The following CAMTA1 variants were observed in gnomAD, a reference collection of about 807,000 sequenced individuals.
The protein encoded by CAMTA1 is calmodulin-binding transcription activator 1.
In CAMTA1, 27 loss-of-function variants were observed where a neutral mutation model predicts 170.9. The observed-to-expected ratio is 0.16, with a 90% CI of 0.12 to 0.22. The LOEUF is 0.22. Ranked by LOEUF, CAMTA1 falls within the 10% of genes least tolerant of loss-of-function variation. The pLI is 1.00. For missense variants in CAMTA1, 1,619 were observed against 2,217.2 expected, an observed-to-expected ratio of 0.73 and a Z score of 5.42; for synonymous variants, 833 against 891.5, an observed-to-expected ratio of 0.93 and a Z score of 1.17.
chr1:7,053,820 G>T (rs1276351781), intron 3 of CAMTA1, among the ~76,000 whole-genome samples: 1 of 152,250 alleles, frequency 6.6e-6, no homozygotes, highest in African/African-American at 2.4e-5. Context: ...CTGGTGGTTG[G>T]TTGCTCAGCA....
At chr1:7,684,669 G>A (rs1027263115) in intron 11 of CAMTA1, among the ~76,000 whole-genome samples, 4 of 152,170 alleles carry the variant, frequency 2.6e-5, no homozygotes, top group African/African-American at 9.7e-5. Flanking sequence ...AACCCCATCC[G>A]GTGTGAACCC....
chr1:7,467,402 G>A (rs1470486232), intron 5 of CAMTA1, among the ~76,000 whole-genome samples: 1 of 152,182 alleles, frequency 6.6e-6, no homozygotes, highest in African/African-American at 2.4e-5. Flanking sequence ...TCTGTAGCAT[G>A]TATGTTTCAT....
intron 5 of CAMTA1, among the ~76,000 whole-genome samples, chr1:7,330,334 T>G (rs1351269795): frequency 6.6e-6 from 1 of 152,160 alleles, no homozygotes. Flanking sequence ...CCCGCTCTTG[T>G]TTGGACCACG....
intron 6 of CAMTA1, among the ~76,000 whole-genome samples, chr1:7,560,050 C>T (rs2094935897): frequency 6.6e-6 from 1 of 152,176 alleles, no homozygotes; most frequent in African/African-American, 2.4e-5. Context: ...CTCTGGGACC[C>T]CAAGGCCCAG....
intron 4 of CAMTA1, among the ~76,000 whole-genome samples, chr1:7,247,128 C>CT (rs1307795118): frequency 6.6e-6 from 1 of 152,196 alleles, no homozygotes; most frequent in Non-Finnish European, 1.5e-5. Flanking sequence ...GGATTAAACA[C>CT]TATTAGGTTG....
Position 7,738,145 on chromosome 1 carries a change from C to T in CAMTA1, c.3845C>T (p.Ser1282Phe). 3.7e-6 allele frequency: 6 copies of T among 1,614,138 alleles called. No individual in the cohort carries two copies. The highest frequency in any genetic ancestry group is 5.1e-6 in the Non-Finnish European group (6 of 1,180,008). Residue 1282 changes from serine to phenylalanine, a missense_variant, in exon 16 of 23, where the codon TCT (serine) becomes TTT (phenylalanine). This residue lies in a region of CAMTA1 where 370 missense variants were observed against 429.4 expected (regional missense o/e 0.86). Coordinates refer to ENST00000303635, the MANE Select transcript of CAMTA1 (RefSeq NM_015215.4). The surrounding 1 kb of genome is among the most constrained non-coding windows in gnomAD (Gnocchi z 4.9). ...AAGCAAAGCCCTAGTTCTAAGCAGT[C>T]TGTCCCCGAGACACTCAGCCCCAGT... is the stretch of plus-strand genomic sequence containing the variant. Reference protein sequence around the residue: ...IRKQSPSSKQSVPETLSPSEG... With the variant: ...IRKQSPSSKQFVPETLSPSEG...
At chr1:7,397,008 C>G (rs1247008346) in intron 5 of CAMTA1, among the ~76,000 whole-genome samples, 3 of 152,098 alleles carry the variant, frequency 2.0e-5, no homozygotes, top group Admixed American at 6.5e-5. Flanking sequence ...GTAATGCCAG[C>G]CTCACAGAAT....
At chr1:7,052,253 C>G (rs968275083) in intron 3 of CAMTA1, among the ~76,000 whole-genome samples, 2 of 97,798 alleles carry the variant, frequency 2.0e-5, no homozygotes, top group Admixed American at 1.8e-4. Context: ...TTGTCCAGCC[C>G]TCTCCTGTGT....
chr1:7,161,584 TTCTC>T (rs1647222476), intron 4 of CAMTA1, among the ~76,000 whole-genome samples: 1 of 152,210 alleles, frequency 6.6e-6, no homozygotes, highest in South Asian at 2.1e-4. Flanking sequence ...CCTGCACAAG[TTCTC>T]TCTTTGCCTG....
chr1:6,980,976 G>A (rs1266045167), intron 3 of CAMTA1, among the ~76,000 whole-genome samples: 1 of 151,908 alleles, frequency 6.6e-6, no homozygotes, highest in East Asian at 1.9e-4. Flanking sequence ...TTCCCTCATC[G>A]GAAACCCTTG....
chr1:7,552,326 C>T lies in CAMTA1; in HGVS notation c.510+84425C>T, dbSNP rs12562733. On this transcript the variant is annotated intron_variant, in intron 6 of 22. Transcript: ENST00000303635. ...ACCTCACTCAGCCCCTGCAAGGTGC[C>T]GTAAAGTGTGATGCAGAGCTTGCTG... Among the ~76,000 whole-genome samples, 123 of 152,268 alleles carry T rather than the reference C, an allele frequency of 8.1e-4. 1 individual carries two copies. The highest frequency in any genetic ancestry group is 2.8e-3 in the African/African-American group (117 of 41,556).
At chr1:7,103,843 TGTACACACA>T (rs1558103010) in intron 4 of CAMTA1, among the ~76,000 whole-genome samples, 23 of 27,982 alleles carry the variant, frequency 8.2e-4, no homozygotes, top group South Asian at 1.6e-3. Flanking sequence ...ACTACACACA[TGTACACACA>T]ACACACATAC....
At chr1:7,621,884 C>A (rs1048143857) in intron 6 of CAMTA1, among the ~76,000 whole-genome samples, 1 of 152,180 alleles carries the variant, frequency 6.6e-6, no homozygotes, top group Non-Finnish European at 1.5e-5. Context: ...TCAGCTCGGC[C>A]ACGTCTCGGC....
intron 3 of CAMTA1, among the ~76,000 whole-genome samples, chr1:7,020,331 G>GT (rs1238620622): frequency 6.6e-6 from 1 of 152,122 alleles, no homozygotes; most frequent in African/African-American, 2.4e-5. Flanking sequence ...TACTTACCAT[G>GT]TGTAACAGTT....
In CAMTA1 at chr1:6,997,661, T is replaced by C. The variant is rs201579414; in HGVS notation, c.235-93643T>C. On this transcript the variant is annotated intron_variant, in intron 3 of 22. Coordinates refer to ENST00000303635, the MANE Select transcript of CAMTA1 (RefSeq NM_015215.4). The stretch of plus-strand genomic sequence containing the variant: ...TTCCATATTTCCTTTCTTTTCTTTC[T>C]TTTTTTTTTTTTTTTTGAGACAGAG... 3.5e-3 allele frequency among the ~76,000 whole-genome samples: 457 copies of C among 132,064 alleles called. 6 individuals carry two copies. Among genetic ancestry groups the C allele is most frequent in the Middle Eastern group, 0.028 (7 of 250 alleles). 86.6% of individuals were successfully genotyped at this position (132,064 alleles called of 152,430 possible).
intron 3 of CAMTA1, among the ~76,000 whole-genome samples, chr1:6,875,849 T>C (rs1266743131): frequency 6.6e-6 from 1 of 152,214 alleles, no homozygotes; most frequent in African/African-American, 2.4e-5. Context: ...TACAGGAAGT[T>C]TATTTTGTAA....
At chr1:7,394,201 A>G (rs1028365462) in intron 5 of CAMTA1, among the ~76,000 whole-genome samples, 3 of 152,230 alleles carry the variant, frequency 2.0e-5, no homozygotes, top group African/African-American at 7.2e-5. Flanking sequence ...TTGGATGTAT[A>G]TATTCAGTAG....
chr1:7,211,559 C>T (rs1447346720), intron 4 of CAMTA1, among the ~76,000 whole-genome samples: 1 of 152,118 alleles, frequency 6.6e-6, no homozygotes, highest in African/African-American at 2.4e-5. Flanking sequence ...GAGATTCATC[C>T]GTGTTGTTGT....
intron 5 of CAMTA1, among the ~76,000 whole-genome samples, chr1:7,383,469 C>G (rs2087581583): frequency 6.6e-6 from 1 of 152,182 alleles, no homozygotes; most frequent in African/African-American, 2.4e-5. Context: ...TAACCTTGGA[C>G]AAGTTAGGTT....
Sources: gnomAD v4.1 joint callset for allele counts (sites outside exome capture counted in the v4.1 genomes callset) on GRCh38, gnomAD v4.1.1 for gene constraint, gnomAD v4.1.1 regional missense constraint, Gnocchi (gnomAD v3.1) non-coding constraint, MANE v1.5 for transcripts, NCBI Gene and HGNC (gene_info 2026-07-23, HGNC 2026-07-21) for gene names.